Variants in SNX29 observed in about 807,000 individuals in gnomAD.
SNX29 encodes the protein sorting nexin-29.
Under a neutral mutation model 102.1 loss-of-function variants are expected in SNX29, and 78 were observed. The ratio of observed to expected loss-of-function variants is 0.76; its 90% confidence interval spans 0.64 to 0.92. The LOEUF is 0.92. SNX29 is among the 40% of genes least tolerant of loss of function. The pLI is 0.00. For missense variants in SNX29, 1,280 were observed against 1,061.7 expected, an observed-to-expected ratio of 1.21 and a Z score of -2.86; for synonymous variants, 580 against 414.5, an observed-to-expected ratio of 1.40 and a Z score of -4.85.
At chr16:12,137,324 C>T (rs1409578602) in intron 13 of SNX29, among the ~76,000 whole-genome samples, 1 of 152,196 alleles carries the variant, frequency 6.6e-6, no homozygotes, top group Non-Finnish European at 1.5e-5. Flanking sequence ...ATCTCTTGGG[C>T]CCTTTCCTTG....
At chr16:12,013,691 C>G (rs886944649) in intron 3 of SNX29, among the ~76,000 whole-genome samples, 2 of 150,946 alleles carry the variant, frequency 1.3e-5, no homozygotes, top group African/African-American at 4.9e-5. Context: ...GTTGCCCAGC[C>G]TGGAGTGCAG....
chr16:12,027,825 C>A, intron 4 of SNX29: 1 of 165,878 alleles, frequency 6.0e-6, no homozygotes, highest in Non-Finnish European at 1.3e-5. Flanking sequence ...GCAACAGAAA[C>A]CCCAGAGGTT....
rs149290489 is a variant in SNX29, at chr16:12,210,477, C to T, written c.1678+10794C>T. ...CTGAGGAGCTGGGAGCACTGGTGTC[C>T]ACCATCACTCTCGGTGGGACTGAGA... is the stretch of plus-strand genomic sequence containing the variant. On this transcript the variant is annotated intron_variant, in intron 14 of 20. Transcript: ENST00000566228. Among the ~76,000 whole-genome samples the T allele has an allele frequency of 4.4e-3, 663 of 151,734 alleles. 6 individuals are homozygous for T. Among genetic ancestry groups the T allele is most frequent in the African/African-American group, 0.015 (633 of 41,302 alleles).
At chr16:12,498,338 G>C (rs534905820) in intron 19 of SNX29, among the ~76,000 whole-genome samples, 98 of 152,262 alleles carry the variant, frequency 6.4e-4, no homozygotes, top group African/African-American at 2.2e-3. Flanking sequence ...CTTAGCTAAG[G>C]AGTTTGGAAT....
chr16:11,992,635 G>C (rs554394125), intron 1 of SNX29, among the ~76,000 whole-genome samples: 1 of 152,150 alleles, frequency 6.6e-6, no homozygotes, highest in South Asian at 2.1e-4. Context: ...TGTGTGGAAG[G>C]AACACTTGCC....
In SNX29 at chr16:12,078,894, G is replaced by C; in HGVS notation, c.1381G>C (p.Val461Leu). ...PLSSLLPSAS[V>L]PESMTISELR... is the part of the protein sequence containing the mutation. ...GAGCAGCCTGTTACCTTCTGCCTCA[G>C]TGCCAGAGTCCATGACAATTAGTAA... is the stretch of plus-strand genomic sequence containing the variant. Residue 461 changes from valine to leucine, a missense_variant, in exon 11 of 21, where the codon GTG becomes CTG. Physicochemically the swap from Val to Leu is conservative, Grantham distance 32 (BLOSUM62 1). Transcript: ENST00000566228. The C allele has an allele frequency of 1.2e-6, 2 of 1,605,252 alleles. No individual in the cohort carries two copies. Among genetic ancestry groups the C allele is most frequent in the Non-Finnish European group, 1.7e-6 (2 of 1,176,096 alleles).
intron 18 of SNX29, among the ~76,000 whole-genome samples, chr16:12,440,031 G>A (rs547473783): frequency 2.6e-5 from 4 of 152,222 alleles, no homozygotes; most frequent in South Asian, 4.1e-4. Context: ...GGCCAGCCTC[G>A]CCTCTTAGAG....
rs145733319 is a variant in SNX29, at chr16:12,399,136, C to T, written c.1955+635C>T. 1.3e-3 allele frequency among the ~76,000 whole-genome samples: 193 copies of T among 152,286 alleles called. 1 individual carries two copies. Among genetic ancestry groups the T allele is most frequent in the African/African-American group, 3.9e-3 (164 of 41,552 alleles). The stretch of plus-strand genomic sequence containing the variant: ...CACGATCTCGGCTCATTGCACCCTC[C>T]GCCTACCGGGTTTAAGTGATTCTCC... On this transcript the variant is annotated intron_variant, in intron 17 of 20. Transcript: ENST00000566228.
chr16:12,352,240 A>G (rs1384663220), intron 15 of SNX29, among the ~76,000 whole-genome samples: 1 of 152,184 alleles, frequency 6.6e-6, no homozygotes, highest in African/African-American at 2.4e-5. Context: ...GCTGGAAACC[A>G]TCATTCTCAG....
chr16:12,490,724 A>G (rs2088503789), intron 19 of SNX29, among the ~76,000 whole-genome samples: 1 of 152,220 alleles, frequency 6.6e-6, no homozygotes, highest in Non-Finnish European at 1.5e-5. Context: ...CACCACACCA[A>G]ATTAACAGCT....
intron 18 of SNX29, among the ~76,000 whole-genome samples, chr16:12,445,305 C>T (rs1478024819): frequency 6.6e-6 from 1 of 152,216 alleles, no homozygotes; most frequent in African/African-American, 2.4e-5. Context: ...CATTTATCAT[C>T]TGGCTGGCTG....
rs982622127 is a variant in SNX29, at chr16:12,009,137, A to G, written c.122+6094A>G. Among the ~76,000 whole-genome samples the G allele has an allele frequency of 3.3e-5, 5 of 152,330 alleles. No individual in the cohort carries two copies. In the East Asian group the frequency reaches 9.6e-4, roughly 29 times the overall value. ...CTTTCCATTTTTTAAATTTTAAAAT[A>G]ATTTTTAAACAGGTGTATGTAACTG... On this transcript the variant is annotated intron_variant, in intron 3 of 20. Transcript: ENST00000566228.
At chr16:12,563,982 C>T (rs1228894210) in intron 20 of SNX29, among the ~76,000 whole-genome samples, 2 of 141,426 alleles carry the variant, frequency 1.4e-5, no homozygotes. Context: ...GATAAGGTTC[C>T]CTCTGCCCCT....
intron 14 of SNX29, among the ~76,000 whole-genome samples, chr16:12,273,449 C>T (rs1403656908): frequency 2.7e-5 from 4 of 150,350 alleles, no homozygotes; most frequent in Admixed American, 6.6e-5. Context: ...ACCTCTGCCT[C>T]CCGGATTCAA....
chr16:12,551,832 T>G (rs1276730754), intron 20 of SNX29, among the ~76,000 whole-genome samples: 1 of 152,174 alleles, frequency 6.6e-6, no homozygotes, highest in East Asian at 1.9e-4. Flanking sequence ...TTTTGTCACT[T>G]AGCTGCTGCT....
chr16:12,394,550 C>A (rs188420649), intron 16 of SNX29, among the ~76,000 whole-genome samples: 15 of 152,260 alleles, frequency 9.9e-5, no homozygotes. Flanking sequence ...CTGGGCTCAG[C>A]TGGGTGGTTC....
intron 20 of SNX29, among the ~76,000 whole-genome samples, chr16:12,531,534 C>T (rs758770969): frequency 6.6e-6 from 1 of 152,176 alleles, no homozygotes; most frequent in African/African-American, 2.4e-5. Flanking sequence ...GCACCATCTG[C>T]CCCGTGGTCC....
intron 8 of SNX29, among the ~76,000 whole-genome samples, chr16:12,058,644 C>G (rs749052536): frequency 6.6e-6 from 1 of 151,352 alleles, no homozygotes; most frequent in African/African-American, 2.4e-5. Context: ...CAAGCACCCA[C>G]CACCACGCCC....
chr16:12,541,857 C>G (rs537034723), intron 20 of SNX29, among the ~76,000 whole-genome samples: 4 of 152,136 alleles, frequency 2.6e-5, no homozygotes, highest in South Asian at 2.1e-4. Flanking sequence ...TAGCACATGC[C>G]TGGAAACCAG....
Sources: gnomAD v4.1 joint callset for allele counts (sites outside exome capture counted in the v4.1 genomes callset) on GRCh38, gnomAD v4.1.1 for gene constraint, MANE v1.5 for transcripts, NCBI Gene and HGNC (gene_info 2026-07-23, HGNC 2026-07-21) for gene names.